ADAMTS12: variants seen among roughly 807,000 people sequenced by gnomAD.
The protein encoded by ADAMTS12 is ADAM metallopeptidase with thrombospondin type 1 motif 12.
Under a neutral mutation model 167.8 loss-of-function variants are expected in ADAMTS12, and 118 were observed. The ratio of observed to expected loss-of-function variants is 0.70; its 90% CI spans 0.61 to 0.82. ADAMTS12 has a LOEUF of 0.82. ADAMTS12 is among the 40% of genes least tolerant of loss of function. ADAMTS12 has a pLI of 0.00. For missense variants in ADAMTS12, 1,916 were observed against 1,998.8 expected (o/e 0.96, Z 0.79); for synonymous variants, 704 against 716.9 (o/e 0.98, Z 0.29).
At chr5:33,787,844 C>T (rs1746384633) in intron 2 of ADAMTS12, among the ~76,000 whole-genome samples, 2 of 152,116 alleles carry the variant, frequency 1.3e-5, no homozygotes, top group African/African-American at 2.4e-5. Context: ...AAGTAAAGCA[C>T]GATAGGAAAT....
intron 3 of ADAMTS12, among the ~76,000 whole-genome samples, chr5:33,730,386 G>A (rs916093474): frequency 1.3e-5 from 2 of 151,702 alleles, no homozygotes; most frequent in African/African-American, 4.8e-5. Flanking sequence ...GAGGATGGGT[G>A]GGGGGAAGAC....
chr5:33,616,434 C>T (rs1277058078), intron 14 of ADAMTS12, among the ~76,000 whole-genome samples: 3 of 152,166 alleles, frequency 2.0e-5, no homozygotes, highest in African/African-American at 7.2e-5. Flanking sequence ...CTCTGCTTCC[C>T]CCTTTGTTGC....
At chr5:33,836,229 G>A (rs1748521703) in intron 2 of ADAMTS12, among the ~76,000 whole-genome samples, 1 of 152,084 alleles carries the variant, frequency 6.6e-6, no homozygotes, top group African/African-American at 2.4e-5. Flanking sequence ...ATGTTCACCA[G>A]CCACAAAAGA....
intron 22 of ADAMTS12, among the ~76,000 whole-genome samples, chr5:33,537,225 A>G (rs921669843): frequency 2.0e-5 from 3 of 152,260 alleles, no homozygotes; most frequent in South Asian, 4.1e-4. Flanking sequence ...AATATGATCA[A>G]TCAACTTGAT....
At chr5:33,533,402 G>A (rs945326620) in intron 23 of ADAMTS12, among the ~76,000 whole-genome samples, 1 of 152,298 alleles carries the variant, frequency 6.6e-6, no homozygotes, top group South Asian at 2.1e-4. Context: ...AGAACGAGGT[G>A]CTTCTCAAAC....
chr5:33,721,730 G>T (rs1743813237), intron 3 of ADAMTS12, among the ~76,000 whole-genome samples: 1 of 152,212 alleles, frequency 6.6e-6, no homozygotes, highest in Non-Finnish European at 1.5e-5. Context: ...ATTTATCTCA[G>T]CTTTCCTGGG....
chr5:33,667,179 G>C (rs1016235709), intron 5 of ADAMTS12, among the ~76,000 whole-genome samples: 9 of 151,900 alleles, frequency 5.9e-5, no homozygotes, highest in Non-Finnish European at 8.8e-5. Context: ...TTAGCTGGGC[G>C]TGGTGGTGCA....
intron 16 of ADAMTS12, among the ~76,000 whole-genome samples, chr5:33,609,505 G>C (rs1218982012): frequency 1.3e-5 from 2 of 150,786 alleles, no homozygotes; most frequent in African/African-American, 4.9e-5. Context: ...ACAGTAGCTG[G>C]GACTACAGGC....
intron 5 of ADAMTS12, among the ~76,000 whole-genome samples, chr5:33,675,121 T>C (rs1202865371): frequency 6.6e-6 from 1 of 152,198 alleles, no homozygotes; most frequent in Non-Finnish European, 1.5e-5. Flanking sequence ...GCCAGAACTA[T>C]GGGCCAAATA....
chr5:33,630,095 C>T (rs1245073168), intron 13 of ADAMTS12, among the ~76,000 whole-genome samples: 1 of 152,160 alleles, frequency 6.6e-6, no homozygotes, highest in Non-Finnish European at 1.5e-5. Flanking sequence ...CATTATGATT[C>T]ACTAACTGAT....
intron 3 of ADAMTS12, among the ~76,000 whole-genome samples, chr5:33,736,155 C>T (rs1321262046): frequency 2.6e-5 from 4 of 151,622 alleles, no homozygotes; most frequent in Non-Finnish European, 5.9e-5. Context: ...CTCTGCCTCC[C>T]GGGTTCAAGC....
intron 3 of ADAMTS12, among the ~76,000 whole-genome samples, chr5:33,723,243 C>T (rs1278527231): frequency 6.6e-6 from 1 of 152,178 alleles, no homozygotes; most frequent in Admixed American, 6.5e-5. Flanking sequence ...AAGCGAACTC[C>T]ATTTTTCCTT....
intron 3 of ADAMTS12, among the ~76,000 whole-genome samples, chr5:33,719,072 C>G (rs763806520): frequency 6.6e-6 from 1 of 152,096 alleles, no homozygotes; most frequent in Non-Finnish European, 1.5e-5. Flanking sequence ...CCTCACAGCC[C>G]TGTGAGATGG....
chr5:33,583,054 T>C (rs1165909556), intron 18 of ADAMTS12, among the ~76,000 whole-genome samples: 1 of 151,716 alleles, frequency 6.6e-6, no homozygotes, highest in Non-Finnish European at 1.5e-5. Context: ...TATAGTCACC[T>C]CATTGTACTA....
chr5:33,783,777 T>C (rs1024451816), intron 2 of ADAMTS12, among the ~76,000 whole-genome samples: 11 of 151,896 alleles, frequency 7.2e-5, no homozygotes, highest in Non-Finnish European at 1.3e-4. Context: ...TTTTATCCAA[T>C]ATTTAAGGAA....
At chr5:33,851,655 T>TTGC (rs1330037656) in intron 2 of ADAMTS12, among the ~76,000 whole-genome samples, 2 of 152,196 alleles carry the variant, frequency 1.3e-5, no homozygotes, top group Non-Finnish European at 2.9e-5. Context: ...GGATACTGGA[T>TTGC]TGCTGCCCAG....
chr5:33,744,639 A>C, intron 3 of ADAMTS12, among the ~76,000 whole-genome samples: 1 of 152,172 alleles, frequency 6.6e-6, no homozygotes, highest in East Asian at 1.9e-4. Flanking sequence ...CAGTAATGAT[A>C]CTGGGGAAAG....
intron 16 of ADAMTS12, among the ~76,000 whole-genome samples, chr5:33,599,906 T>C (rs1193939033): frequency 6.6e-6 from 1 of 152,218 alleles, no homozygotes; most frequent in Non-Finnish European, 1.5e-5. Context: ...ATGCAGGAAA[T>C]ACAACACATT....
intron 9 of ADAMTS12, 30 bp downstream of exon 9, chr5:33,648,792 C>A: frequency 6.2e-7 from 1 of 1,613,340 alleles, no homozygotes; most frequent in Non-Finnish European, 8.5e-7. Context: ...ATCTGAAGCC[C>A]TGCATATAGC....
Sources: gnomAD v4.1 joint callset for allele counts (sites outside exome capture counted in the v4.1 genomes callset) on GRCh38, gnomAD v4.1.1 for gene constraint, MANE v1.5 for transcripts, NCBI Gene and HGNC (gene_info 2026-07-23, HGNC 2026-07-21) for gene names.